Variants in CENPP observed in about 807,000 individuals in gnomAD.
The protein encoded by CENPP is centromere protein P.
Under a neutral mutation model 35.6 loss-of-function variants are expected in CENPP, and 24 were observed. The observed-to-expected ratio is 0.67, with a 90% CI of 0.49 to 0.95. CENPP has a LOEUF of 0.95. Ranked by LOEUF, CENPP falls within the 40% of genes least tolerant of loss-of-function variation. The pLI is 0.00. For synonymous variants in CENPP, 120 were observed against 125.5 expected, an observed-to-expected ratio of 0.96 and a Z score of 0.29; for missense variants, 332 against 345.3, an observed-to-expected ratio of 0.96 and a Z score of 0.31.
chr9:92,417,118 A>G, intron 5 of CENPP: 1 of 1,613,828 alleles, frequency 6.2e-7, no homozygotes, highest in South Asian at 1.1e-5. Context: ...TATGCTCTAG[A>G]TGAAGTTGTA....
At chr9:92,503,787 T>G (rs1286925785) in intron 5 of CENPP, among the ~76,000 whole-genome samples, 1 of 152,240 alleles carries the variant, frequency 6.6e-6, no homozygotes, top group East Asian at 1.9e-4. Flanking sequence ...TACCTGCATA[T>G]GTATTTAGGA....
At chr9:92,438,822 A>G (rs764036984) in intron 5 of CENPP, among the ~76,000 whole-genome samples, 1 of 152,206 alleles carries the variant, frequency 6.6e-6, no homozygotes, top group African/African-American at 2.4e-5. Context: ...GCATGGTGGC[A>G]TGTGCCTGTA....
At chr9:92,546,456 C>G (rs889167135) in intron 5 of CENPP, among the ~76,000 whole-genome samples, 3 of 152,166 alleles carry the variant, frequency 2.0e-5, no homozygotes, top group African/African-American at 7.2e-5. Context: ...TCTGCAGCTT[C>G]GCTCCTGAAG....
In CENPP at chr9:92,618,645, CAG is replaced by C. The variant is rs1851524861; in HGVS notation, c.*5497_*5498del. 2.3e-6 allele frequency: 1 copy of C among 442,410 alleles called. No individual in the cohort carries two copies. 27.4% of individuals were successfully genotyped at this position (442,410 alleles called of 1,614,324 possible). A position where few individuals can be genotyped will look rare whatever the true frequency, so the allele number is the denominator to read the frequency against. On this transcript the variant is annotated 3_prime_UTR_variant, in exon 8 of 8. Coordinates refer to ENST00000375587, the MANE Select transcript of CENPP (RefSeq NM_001012267.3). ...CTGTAGGTATTTCCTTAGGGGATAA[CAG>C]GAGTTTTCAACTAAATAGAACAACC...
At chr9:92,567,367 A>AACATATAT (rs1564005429) in intron 5 of CENPP, among the ~76,000 whole-genome samples, 12 of 103,710 alleles carry the variant, frequency 1.2e-4, no homozygotes, top group African/African-American at 3.2e-4. Flanking sequence ...ACAGTTACAT[A>AACATATAT]AGATAGATAT....
At chr9:92,470,159 T>C (rs1204343741) in intron 5 of CENPP, among the ~76,000 whole-genome samples, 1 of 152,226 alleles carries the variant, frequency 6.6e-6, no homozygotes, top group African/African-American at 2.4e-5. Context: ...TAGTAATCTT[T>C]TAAATCCTAG....
At chr9:92,494,284 A>T in intron 5 of CENPP, 1 of 727,096 alleles carries the variant, frequency 1.4e-6, no homozygotes, top group Non-Finnish European at 2.2e-6. Flanking sequence ...TTTACAGCTT[A>T]GATTGCCTTA....
chr9:92,390,937 C>T (rs1408031462), intron 5 of CENPP, among the ~76,000 whole-genome samples: 3 of 152,064 alleles, frequency 2.0e-5, no homozygotes, highest in African/African-American at 7.2e-5. Context: ...GGATGTTAGA[C>T]GTCACTTCAG....
At chr9:92,529,874 TA>T (rs1848641843) in intron 5 of CENPP, among the ~76,000 whole-genome samples, 1 of 152,208 alleles carries the variant, frequency 6.6e-6, no homozygotes. Flanking sequence ...GTCAGCCCTT[TA>T]TATCACAGGT....
intron 5 of CENPP, chr9:92,482,333 C>T (rs888435662): frequency 2.6e-5 from 4 of 152,064 alleles, no homozygotes; most frequent in African/African-American, 9.7e-5. Flanking sequence ...AGAAGTTATC[C>T]ACCATGTACT....
At chr9:92,421,773 A>C (rs1843803381) in intron 5 of CENPP, among the ~76,000 whole-genome samples, 1 of 152,208 alleles carries the variant, frequency 6.6e-6, no homozygotes, top group Non-Finnish European at 1.5e-5. Flanking sequence ...CCTTCTGTAA[A>C]GAGCAAACAG....
At chr9:92,352,505 G>GTGTGTGTGTGTGTATATA in intron 4 of CENPP, among the ~76,000 whole-genome samples, 2 of 49,790 alleles carry the variant, frequency 4.0e-5, no homozygotes, top group African/African-American at 3.6e-4. Context: ...GTGTGTGTGT[G>GTGTGTGTGTGTGTATATA]TATACATATA....
intron 5 of CENPP, among the ~76,000 whole-genome samples, chr9:92,469,335 C>T (rs1845425810): frequency 6.6e-6 from 1 of 152,176 alleles, no homozygotes; most frequent in African/African-American, 2.4e-5. Context: ...CCTGACCGGG[C>T]AGTGTGAGAG....
At chr9:92,365,868 G>A (rs1356028535) in intron 4 of CENPP, among the ~76,000 whole-genome samples, 2 of 151,296 alleles carry the variant, frequency 1.3e-5, no homozygotes, top group Non-Finnish European at 2.9e-5. Flanking sequence ...TCTGCAAAAT[G>A]AAAGAACTGG....
chr9:92,441,707 C>T (rs1258081824), intron 5 of CENPP, among the ~76,000 whole-genome samples: 1 of 152,060 alleles, frequency 6.6e-6, no homozygotes. Context: ...TGCAGTGAGC[C>T]GAGATCGCGC....
chr9:92,561,708 A>G (rs1849851224), intron 5 of CENPP, among the ~76,000 whole-genome samples: 1 of 152,206 alleles, frequency 6.6e-6, no homozygotes, highest in Non-Finnish European at 1.5e-5. Context: ...AAGAGTAGAC[A>G]TTTTTGGTAT....
intron 5 of CENPP, among the ~76,000 whole-genome samples, chr9:92,525,112 G>GT (rs761047772): frequency 1.3e-5 from 2 of 152,116 alleles, no homozygotes; most frequent in Non-Finnish European, 2.9e-5. Flanking sequence ...GAGGCCAGGA[G>GT]TTTAAGACCA....
intron 4 of CENPP, among the ~76,000 whole-genome samples, chr9:92,348,667 C>CA (rs1841365703): frequency 1.3e-5 from 2 of 152,222 alleles, no homozygotes. Context: ...GCTGGGAATA[C>CA]AGGCGTGAGC....
chr9:92,591,332 T>G (rs1358619378), intron 5 of CENPP, among the ~76,000 whole-genome samples: 1 of 151,828 alleles, frequency 6.6e-6, no homozygotes, highest in Non-Finnish European at 1.5e-5. Context: ...GGCAGGAGAA[T>G]GGCATGAACC....
Sources: allele counts gnomAD v4.1 joint callset (sites outside exome capture counted in the v4.1 genomes callset), GRCh38; gene constraint gnomAD v4.1.1; transcripts MANE v1.5; gene names NCBI Gene and HGNC (gene_info 2026-07-23, HGNC 2026-07-21).